The following SLC44A1 variants were observed in gnomAD, a reference collection of about 807,000 sequenced individuals.
SLC44A1 encodes the protein solute carrier family 44 member 1.
Under a neutral mutation model 79.3 loss-of-function variants are expected in SLC44A1, and 26 were observed. That is an observed-to-expected ratio of 0.33 (90% CI 0.24 to 0.46). SLC44A1 has a LOEUF of 0.46. SLC44A1 is among the 20% of genes least tolerant of loss of function. The pLI is 1.00. For missense variants in SLC44A1, 688 were observed against 798.1 expected (o/e 0.86, Z 1.66); for synonymous variants, 263 against 286.2 (o/e 0.92, Z 0.82).
chr9:105,342,330 C>T (rs1472155162), intron 4 of SLC44A1, among the ~76,000 whole-genome samples: 1 of 152,214 alleles, frequency 6.6e-6, no homozygotes, highest in African/African-American at 2.4e-5. Context: ...CATATCCACA[C>T]TGTGTATGCT....
intron 15 of SLC44A1, among the ~76,000 whole-genome samples, chr9:105,411,452 ATGTGTGTGTGTGTG>A (rs143819316): frequency 7.8e-6 from 1 of 127,554 alleles, no homozygotes; most frequent in Non-Finnish European, 1.6e-5. Context: ...CTCTCTGTGT[ATGTGTGTGTGTGTG>A]TGTGTGTGTG....
chr9:105,397,109 C>A lies in SLC44A1; in HGVS notation c.*8053C>A, dbSNP rs181209067. 119 of 985,334 alleles carry A rather than the reference C, an allele frequency of 1.2e-4. No homozygotes were observed. In the Middle Eastern group the frequency reaches 4.7e-3, roughly 39 times the overall value. The allele number at this position is 985,334 out of a possible 1,614,324, so 61.0% of individuals were successfully genotyped here. On this transcript the variant is annotated 3_prime_UTR_variant, in exon 16 of 16. Coordinates refer to ENST00000374720, the MANE Select transcript of SLC44A1 (RefSeq NM_080546.5). ...CAAATCTTGCTGGGAAATTAACTTCCAAGAGCTCTGAATTGGATGGAATTC... is the reference window on the plus strand; with the variant it reads ...CAAATCTTGCTGGGAAATTAACTTCAAAGAGCTCTGAATTGGATGGAATTC...
chr9:105,387,578 T>G (rs1828665647), intron 15 of SLC44A1, among the ~76,000 whole-genome samples: 1 of 152,168 alleles, frequency 6.6e-6, no homozygotes. Flanking sequence ...AAATCGATTC[T>G]AAGCCCAAAA....
intron 1 of SLC44A1, among the ~76,000 whole-genome samples, chr9:105,260,344 T>C (rs575348036): frequency 1.3e-5 from 2 of 152,344 alleles, no homozygotes; most frequent in South Asian, 4.1e-4. Flanking sequence ...TTTTTTTCAC[T>C]ATATCTTGAA....
chr9:105,347,847 A>T (rs1456906687), intron 4 of SLC44A1, among the ~76,000 whole-genome samples: 1 of 152,048 alleles, frequency 6.6e-6, no homozygotes, highest in East Asian at 1.9e-4. Flanking sequence ...ATATGCATTA[A>T]TTGTAAGCAT....
At position 105,272,390 on chromosome 9, in the gene SLC44A1, C is replaced by G. The variant is rs1383360985; in HGVS notation, c.37-26830C>G. 2.6e-5 allele frequency among the ~76,000 whole-genome samples: 4 copies of G among 152,114 alleles called. No individual in the cohort carries two copies. The East Asian group carries it at 7.7e-4, about 29-fold the overall frequency. On this transcript the variant is annotated intron_variant, in intron 1 of 15. Transcript: ENST00000374720. ...TCAGTATCTCCATCAAGTCCCCATT[C>G]TTTGATAGGACAGTTAATCTTTTCA...
intron 3 of SLC44A1, among the ~76,000 whole-genome samples, chr9:105,320,000 C>T (rs960738379): frequency 4.6e-5 from 7 of 152,188 alleles, no homozygotes; most frequent in African/African-American, 1.4e-4. Context: ...TTACCTTGTG[C>T]CCCTTTGTAG....
At chr9:105,245,948 A>G (rs747984200) in intron 1 of SLC44A1, among the ~76,000 whole-genome samples, 16 of 152,358 alleles carry the variant, frequency 1.1e-4, no homozygotes, top group African/African-American at 2.6e-4. Context: ...TACAAATACT[A>G]TAAAAAGCAA....
At chr9:105,324,442 G>A (rs1809239687) in intron 3 of SLC44A1, among the ~76,000 whole-genome samples, 1 of 151,480 alleles carries the variant, frequency 6.6e-6, no homozygotes, top group South Asian at 2.1e-4. Flanking sequence ...TTGTAGAGAT[G>A]GGGTTTCACT....
intron 15 of SLC44A1, among the ~76,000 whole-genome samples, chr9:105,412,340 A>G (rs1829107810): frequency 6.6e-6 from 1 of 151,840 alleles, no homozygotes; most frequent in South Asian, 2.1e-4. Flanking sequence ...ATGGGAGCCC[A>G]TTCAAGCTGG....
At chr9:105,400,763 A>G (rs534199580), downstream of SLC44A1, among the ~76,000 whole-genome samples, 2 of 152,328 alleles carry the variant, frequency 1.3e-5, no homozygotes, top group South Asian at 4.1e-4. Flanking sequence ...TTTCTTTGCA[A>G]TGTTTGTATT....
At chr9:105,354,026 T>C (rs1414628666) in intron 5 of SLC44A1, among the ~76,000 whole-genome samples, 2 of 149,696 alleles carry the variant, frequency 1.3e-5, no homozygotes, top group Non-Finnish European at 3.0e-5. Context: ...GACTTAGAAA[T>C]TTACAGTTAA....
At chr9:105,367,741 A>G (rs1423533637) in intron 12 of SLC44A1, among the ~76,000 whole-genome samples, 1 of 151,958 alleles carries the variant, frequency 6.6e-6, no homozygotes, top group Non-Finnish European at 1.5e-5. Context: ...CCTGAGCGTC[A>G]CCTCCAAGAA....
At chr9:105,379,780 A>T (rs542272637) in intron 13 of SLC44A1, among the ~76,000 whole-genome samples, 1 of 152,312 alleles carries the variant, frequency 6.6e-6, no homozygotes, top group Non-Finnish European at 1.5e-5. Context: ...TTAAGTATTG[A>T]TATTTGTCCT....
chr9:105,401,511 T>A (rs1367224622), downstream of SLC44A1, among the ~76,000 whole-genome samples: 1 of 152,166 alleles, frequency 6.6e-6, no homozygotes, highest in Non-Finnish European at 1.5e-5. Context: ...CAAATCTAAG[T>A]CAAATCTAAA....
intron 2 of SLC44A1, among the ~76,000 whole-genome samples, chr9:105,300,798 C>T (rs144888762): frequency 0.015 from 2,104 of 142,418 alleles, 54 homozygotes; most frequent in African/African-American, 0.053. Context: ...TTTTTTGAGA[C>T]AGAATTTTGC....
At chr9:105,255,596 A>G (rs1829685863) in intron 1 of SLC44A1, among the ~76,000 whole-genome samples, 3 of 152,188 alleles carry the variant, frequency 2.0e-5, no homozygotes, top group Non-Finnish European at 1.5e-5. Flanking sequence ...ATACTTCCTC[A>G]TTGCCAACTA....
At chr9:105,304,945 T>G (rs1172998056) in intron 2 of SLC44A1, among the ~76,000 whole-genome samples, 131 of 12,826 alleles carry the variant, frequency 0.01, no homozygotes, top group African/African-American at 0.064. Context: ...CTTTCTATCG[T>G]TTTTTTTTTT....
intron 1 of SLC44A1, among the ~76,000 whole-genome samples, chr9:105,250,733 G>A (rs1232130064): frequency 6.6e-6 from 1 of 152,140 alleles, no homozygotes. Context: ...AATGTCTCAG[G>A]CTTTCTTTTC....
Sources: gnomAD v4.1 joint callset for allele counts (sites outside exome capture counted in the v4.1 genomes callset) on GRCh38, gnomAD v4.1.1 for gene constraint, MANE v1.5 for transcripts, NCBI Gene and HGNC (gene_info 2026-07-23, HGNC 2026-07-21) for gene names.